Variants in GRM5 observed in about 807,000 individuals in gnomAD.
GRM5 encodes metabotropic glutamate receptor 5.
GRM5 carries 19 observed loss-of-function variants against 83.1 expected under a neutral mutation model. The observed-to-expected ratio is 0.23, with a 90% CI of 0.16 to 0.34. The LOEUF (loss-of-function observed/expected upper bound fraction) is 0.34. Ranked by LOEUF, GRM5 falls within the 10% of genes least tolerant of loss-of-function variation. GRM5 has a pLI of 1.00. For synonymous variants in GRM5, 675 were observed against 633.6 expected, an observed-to-expected ratio of 1.07 and a Z score of -0.98; for missense variants, 1,160 against 1,588.3, an observed-to-expected ratio of 0.73 and a Z score of 4.58.
intron 2 of GRM5, among the ~76,000 whole-genome samples, chr11:89,040,906 G>C (rs1015393636): frequency 6.6e-6 from 1 of 152,196 alleles, no homozygotes; most frequent in African/African-American, 2.4e-5. Context: ...TGCTTGCTTA[G>C]TTTATGTTGG....
intron 2 of GRM5, among the ~76,000 whole-genome samples, chr11:88,942,351 T>C (rs562359919): frequency 6.6e-6 from 1 of 152,156 alleles, no homozygotes; most frequent in East Asian, 1.9e-4. Flanking sequence ...TGAGTATATA[T>C]TGTACCATTC....
At position 88,883,666 on chromosome 11, in the gene GRM5, G is replaced by T. The variant is rs563204120; in HGVS notation, c.662-33511C>A. On this transcript the variant is annotated intron_variant, in intron 2 of 9. Coordinates refer to ENST00000305447, the MANE Select transcript of GRM5 (RefSeq NM_001143831.3). Reference sequence around the variant, plus strand: ...AGACAGTGGGGAAAATGTCTCCAGGGCATATCAGAGACCATCATGGCAGTC... The same window carrying T: ...AGACAGTGGGGAAAATGTCTCCAGGTCATATCAGAGACCATCATGGCAGTC... 7.4e-4 allele frequency among the ~76,000 whole-genome samples: 113 copies of T among 152,232 alleles called. 2 individuals are homozygous for T. Among genetic ancestry groups the T allele is most frequent in the African/African-American group, 2.6e-3 (107 of 41,552 alleles).
rs1401174078 is a variant in GRM5 at position 88,509,276 on chromosome 11, G to C, written c.2955C>G (p.Ala985=). 6.8e-7 allele frequency: 1 copy of C among 1,465,712 alleles called. No individual in the cohort carries two copies. The highest frequency in any genetic ancestry group is 1.5e-5 in the African/African-American group (1 of 66,772). 90.8% of individuals were successfully genotyped at this position (1,465,712 alleles called of 1,614,324 possible). ...CTGGGGACTCGGGCCCGCCTGGGCC[G>C]GCGCCTGCGCAGCCCGCACCGCCCG... ...GATGGAGCAG[A]GPGGPESPDA... is the part of the protein sequence containing the mutation. Residue 985 remains alanine, a synonymous_variant, in exon 10 of 10, where the codon GCC becomes GCG. Coordinates refer to ENST00000305447, the MANE Select transcript of GRM5 (RefSeq NM_001143831.3).
chr11:88,605,619 C>A (rs1938119889), intron 4 of GRM5, among the ~76,000 whole-genome samples: 1 of 152,008 alleles, frequency 6.6e-6, no homozygotes, highest in Admixed American at 6.6e-5. Context: ...GAACATGGAG[C>A]TTGTACATAA....
chr11:89,009,613 CA>C (rs1392118344), intron 2 of GRM5, among the ~76,000 whole-genome samples: 7 of 141,542 alleles, frequency 4.9e-5, no homozygotes, highest in African/African-American at 1.8e-4. Flanking sequence ...AACACAAAAT[CA>C]GGCCGGGCGC....
chr11:88,728,456 C>G (rs191565260), intron 3 of GRM5, among the ~76,000 whole-genome samples: 1 of 152,140 alleles, frequency 6.6e-6, no homozygotes. Context: ...CACCGAGGAG[C>G]TGGTACCATT....
chr11:88,558,600 G>A (rs1412570295), intron 8 of GRM5, among the ~76,000 whole-genome samples: 3 of 151,620 alleles, frequency 2.0e-5, no homozygotes, highest in African/African-American at 7.3e-5. Context: ...TCAAGAGATC[G>A]AGACCATCCT....
chr11:88,765,187 A>G (rs1451799078), intron 3 of GRM5, among the ~76,000 whole-genome samples: 1 of 151,550 alleles, frequency 6.6e-6, no homozygotes, highest in East Asian at 1.9e-4. Flanking sequence ...TGTAAGTAGT[A>G]AGGATATTGA....
rs1944141067 is a variant in GRM5, at chr11:88,838,874, C to A, written c.911+11032G>T. Reference sequence around the variant, plus strand: ...ACTGCCACACCCCTTATGCTACACACACACACACACACACACACACACACA... The same window carrying A: ...ACTGCCACACCCCTTATGCTACACAAACACACACACACACACACACACACA... On this transcript the variant is annotated intron_variant, in intron 3 of 9. Transcript: ENST00000305447. Among the ~76,000 whole-genome samples the A allele has an allele frequency of 3.4e-5, 5 of 146,044 alleles. 1 individual carries two copies. In the South Asian group the frequency reaches 1.1e-3, roughly 31 times the overall value.
At chr11:88,517,128 TACACACACACACAC>T (rs60251358) in intron 9 of GRM5, among the ~76,000 whole-genome samples, 5 of 148,072 alleles carry the variant, frequency 3.4e-5, no homozygotes, top group Non-Finnish European at 7.5e-5. Flanking sequence ...TTGGCTTCTG[TACACACACACACAC>T]ACACACACAC....
chr11:88,987,428 G>T (rs1290439265), intron 2 of GRM5, among the ~76,000 whole-genome samples: 1 of 151,914 alleles, frequency 6.6e-6, no homozygotes, highest in African/African-American at 2.4e-5. Context: ...CAGCGAGGTT[G>T]GGGGAGGGGC....
intron 2 of GRM5, among the ~76,000 whole-genome samples, chr11:88,904,297 A>T (rs1382724904): frequency 2.6e-5 from 4 of 152,260 alleles, no homozygotes; most frequent in African/African-American, 9.6e-5. Context: ...TTGACTATTT[A>T]TTTTCCTTCA....
At chr11:88,979,746 G>C (rs1434814163) in intron 2 of GRM5, among the ~76,000 whole-genome samples, 1 of 152,034 alleles carries the variant, frequency 6.6e-6, no homozygotes. Flanking sequence ...TGCTGCAGTA[G>C]AGAGAGGAGT....
chr11:88,551,310 G>C (rs970342874), intron 8 of GRM5, among the ~76,000 whole-genome samples: 1 of 152,216 alleles, frequency 6.6e-6, no homozygotes, highest in East Asian at 1.9e-4. Context: ...TTCAGCTGGA[G>C]TGTCCAAGAA....
intron 9 of GRM5, among the ~76,000 whole-genome samples, chr11:88,515,071 C>G (rs1328654830): frequency 1.3e-5 from 2 of 152,028 alleles, no homozygotes; most frequent in East Asian, 1.9e-4. Context: ...TTAACAGCAA[C>G]AGGAAGCCTT....
chr11:88,907,402 T>C (rs650222), intron 2 of GRM5, among the ~76,000 whole-genome samples: 48,639 of 151,834 alleles, frequency 0.32, 8,006 homozygotes, highest in Non-Finnish European at 0.36. Flanking sequence ...CACAAGGACA[T>C]AGAAACTGAG....
intron 7 of GRM5, among the ~76,000 whole-genome samples, chr11:88,584,518 C>T (rs1040173636): frequency 4.6e-5 from 7 of 152,174 alleles, no homozygotes; most frequent in Non-Finnish European, 8.8e-5. Flanking sequence ...ACTGCAACCT[C>T]TGCCTCCTAA....
chr11:88,725,062 T>G (rs889892202), intron 3 of GRM5, among the ~76,000 whole-genome samples: 3 of 152,034 alleles, frequency 2.0e-5, no homozygotes, highest in Non-Finnish European at 2.9e-5. Context: ...TTCACTCCCC[T>G]GGAAAGGGGG....
At position 88,635,565 on chromosome 11, in the gene GRM5, T is replaced by C. The variant is rs765443588; in HGVS notation, c.1147+17603A>G. Reference sequence around the variant, plus strand: ...TGTTTTAATTTTGCTATTGAGTTGTTTGCATTTGTTTTATGTTTTGAATTT... The same window carrying C: ...TGTTTTAATTTTGCTATTGAGTTGTCTGCATTTGTTTTATGTTTTGAATTT... On this transcript the variant is annotated intron_variant, in intron 4 of 9. Transcript: ENST00000305447. Among the ~76,000 whole-genome samples the C allele has an allele frequency of 4.5e-4, 69 of 152,174 alleles. 1 individual carries two copies. Among genetic ancestry groups the C allele is most frequent in the Admixed American group, 3.9e-3 (60 of 15,272 alleles).
Sources: gnomAD v4.1 joint callset for allele counts (sites outside exome capture counted in the v4.1 genomes callset) on GRCh38, gnomAD v4.1.1 for gene constraint, MANE v1.5 for transcripts, NCBI Gene and HGNC (gene_info 2026-07-23, HGNC 2026-07-21) for gene names.